The following KDM6B variants were observed in gnomAD, a reference collection of about 807,000 sequenced individuals.
KDM6B encodes the protein lysine demethylase 6B.
A neutral mutation model predicts 150.4 loss-of-function variants in KDM6B; 22 were observed. The observed-to-expected ratio is 0.15, with a 90% CI of 0.10 to 0.21. KDM6B has a LOEUF of 0.21. KDM6B is among the 10% of genes least tolerant of loss of function. The pLI is 1.00. For missense variants in KDM6B, 1,984 were observed against 2,234.3 expected (o/e 0.89, Z 2.26); for synonymous variants, 1,148 against 921.1 (o/e 1.25, Z -4.46).
In KDM6B at chr17:7,843,456, A is replaced by G. The variant is rs766413923; in HGVS notation, c.-268-1445A>G. ...CCACAAGGGCTTGGCGGAGAGTGGC[A>G]CGCAGGGACCTGTAGGGTCCAAGCG... On this transcript the variant is annotated intron_variant, in intron 2 of 23. Transcript: ENST00000448097. The surrounding 1 kb of genome is among the most constrained non-coding windows in gnomAD (Gnocchi z 4.5). Among the ~76,000 whole-genome samples, 2 of 152,188 alleles carry G rather than the reference A, an allele frequency of 1.3e-5. No homozygotes were observed. Among genetic ancestry groups the G allele is most frequent in the Non-Finnish European group, 2.9e-5 (2 of 68,032 alleles).
intron 20 of KDM6B, 25 bp downstream of exon 20, chr17:7,852,361 C>T (rs564198185): frequency 4.4e-6 from 7 of 1,597,656 alleles, no homozygotes; most frequent in African/African-American, 4.0e-5. Flanking sequence ...CAGGTGTTGG[C>T]GTGGTGTGGC....
At chr17:7,846,047 CA>C in intron 6 of KDM6B, 30 bp from the exon 7 acceptor site, 96 of 1,331,262 alleles carry the variant, frequency 7.2e-5, no homozygotes, top group Non-Finnish European at 9.6e-5. Flanking sequence ...GCCCAACCCC[CA>C]CCCACACCCC....
rs1412395364 is a variant in KDM6B, at chr17:7,849,835, A to G, written c.3455A>G (p.Lys1152Arg). ...VVRASRNAKVKGKFRESYLSP... is the reference protein window; with the variant it reads ...VVRASRNAKVRGKFRESYLSP... Reference sequence around the variant, plus strand: ...TCCTCCCGCAGGAATGCCAAGGTGAAAGGGAAGTTTCGAGAGTCCTACCTT... The same window carrying G: ...TCCTCCCGCAGGAATGCCAAGGTGAGAGGGAAGTTTCGAGAGTCCTACCTT... Residue 1152 changes from lysine (K) to arginine (R), a missense_variant, in exon 13 of 24, where the codon AAA (lysine) becomes AGA (arginine). By Grantham distance (26) the Lys-to-Arg change is conservative. Around this residue, in one of 13 missense-constraint regions of KDM6B, gnomAD observed 1,379 missense variants for 1,275.6 expected, o/e 1.08. Coordinates refer to ENST00000448097, the MANE Select transcript of KDM6B (RefSeq NM_001348716.2). 1 of 1,613,166 alleles carries G rather than the reference A, an allele frequency of 6.2e-7. No individual in the cohort carries two copies. Among genetic ancestry groups the G allele is most frequent in the Non-Finnish European group, 8.5e-7 (1 of 1,180,016 alleles).
intron 1 of KDM6B, among the ~76,000 whole-genome samples, chr17:7,837,287 T>TG (rs147635033): frequency 0.087 from 13,112 of 150,920 alleles, 866 homozygotes; most frequent in East Asian, 0.25. Flanking sequence ...GTGTGTAGTA[T>TG]GGGGGGGGGT....
rs1491406246 is a variant in KDM6B, at chr17:7,849,733, GTC to G, written c.3440+6_3440+7del. On this transcript the variant is annotated splice_donor_region_variant and intron_variant, in intron 12 of 23. Coordinates refer to ENST00000448097, the MANE Select transcript of KDM6B (RefSeq NM_001348716.2). ...TGACGTCGTGCGCGCCAGCAGGTGAGTCGGCTGCCTGCTTGCTTGTCCCGGAG... is the reference window on the plus strand; with the variant it reads ...TGACGTCGTGCGCGCCAGCAGGTGAGGGCTGCCTGCTTGCTTGTCCCGGAG... The G allele has an allele frequency of 5.0e-6, 8 of 1,612,296 alleles. No homozygotes were observed. In the East Asian group the frequency reaches 1.6e-4, roughly 31 times the overall value.
At chr17:7,841,902 C>A (rs2078421827) in intron 2 of KDM6B, among the ~76,000 whole-genome samples, 1 of 152,188 alleles carries the variant, frequency 6.6e-6, no homozygotes, top group South Asian at 2.1e-4. Context: ...CCGCCTCCCC[C>A]TCCCCCAGGT....
At chr17:7,839,639 C>T (rs767721129) in intron 1 of KDM6B, among the ~76,000 whole-genome samples, 52 of 152,108 alleles carry the variant, frequency 3.4e-4, no homozygotes, top group Non-Finnish European at 6.6e-4. Flanking sequence ...AGCGTCCTGT[C>T]AGAAGAGGGA....
In KDM6B at chr17:7,853,641, C is replaced by G; in HGVS notation, c.*120C>G. On this transcript the variant is annotated 3_prime_UTR_variant, in exon 24 of 24. Coordinates refer to ENST00000448097, the MANE Select transcript of KDM6B (RefSeq NM_001348716.2). ...AAGGGGGTCGGGCCCAGCCCTTCCACCCCATTGGCAGCTCCCCTCACTTAA... is the reference window on the plus strand; with the variant it reads ...AAGGGGGTCGGGCCCAGCCCTTCCAGCCCATTGGCAGCTCCCCTCACTTAA... The G allele has an allele frequency of 1.5e-5, 9 of 617,848 alleles. No homozygotes were observed. The highest frequency in any genetic ancestry group is 2.1e-5 in the Non-Finnish European group (9 of 426,094). 38.3% of individuals were successfully genotyped at this position (617,848 alleles called of 1,614,324 possible). A position where few individuals can be genotyped will look rare whatever the true frequency, so the allele number is the denominator to read the frequency against.
rs764823980 is a variant in KDM6B, at chr17:7,845,616, G to C, written c.62G>C (p.Gly21Ala). Residue 21 changes from glycine (G) to alanine (A), a missense_variant, in exon 5 of 24, where the codon GGC (glycine) becomes GCC (alanine). Gly to Ala is a moderately conservative substitution (Grantham distance 60). Around this residue, in one of 13 missense-constraint regions of KDM6B, gnomAD observed 337 missense variants for 323.9 expected, o/e 1.04. Transcript: ENST00000448097. Reference protein sequence around the residue: ...RAAREAFALGGLSCAGAWSSC... With the variant: ...RAAREAFALGALSCAGAWSSC... ...GCACGGGAAGCCTTTGCCCTTGGGG[G>C]CCTGAGCTGTGCTGGGGCCTGGAGC... 1 of 1,614,180 alleles carries C rather than the reference G, an allele frequency of 6.2e-7. No homozygotes were observed. The highest frequency in any genetic ancestry group is 1.1e-5 in the South Asian group (1 of 91,088).
chr17:7,845,213 CACAAATG>C (rs1236906271), intron 3 of KDM6B, 94 bp from the exon 4 acceptor site: 1 of 454,376 alleles, frequency 2.2e-6, no homozygotes, highest in Admixed American at 3.4e-5. Flanking sequence ...GGGCCCTTTG[CACAAATG>C]ACAAATTGGT....
chr17:7,841,855 T>C (rs1339789422), intron 2 of KDM6B, among the ~76,000 whole-genome samples: 2 of 152,054 alleles, frequency 1.3e-5, no homozygotes, highest in Admixed American at 6.5e-5. Flanking sequence ...CCCGGGTGGC[T>C]GAGTCACAGC....
chr17:7,845,754 GTGTCATTCTCCATGGGTTCC>G, intron 5 of KDM6B, 63 bp downstream of exon 5: 1 of 1,611,218 alleles, frequency 6.2e-7, no homozygotes, highest in Non-Finnish European at 8.5e-7. Context: ...CCCTCAATCT[GTGTCATTCTCCATGGGTTCC>G]TGTCATTCTG....
intron 13 of KDM6B, 55 bp downstream of exon 13, chr17:7,850,002 G>A: frequency 6.2e-7 from 1 of 1,613,566 alleles, no homozygotes; most frequent in South Asian, 1.1e-5. Context: ...CTAAGACAGT[G>A]TTGGGGACTG....
At position 7,850,178 on chromosome 17, in the gene KDM6B, G is replaced by GT; in HGVS notation, c.3673+2dup. 4 of 1,612,202 alleles carry GT rather than the reference G, an allele frequency of 2.5e-6. No homozygotes were observed. The highest frequency in any genetic ancestry group is 3.4e-6 in the Non-Finnish European group (4 of 1,178,952). Reference sequence around the variant, plus strand: ...GGCCTGGCGGGCTCCCTGCGGCTCAGTGAGTATGGGGGGCAGAAAGTGTTA... The same window carrying GT: ...GGCCTGGCGGGCTCCCTGCGGCTCAGTTGAGTATGGGGGGCAGAAAGTGTTA... On this transcript the variant is annotated splice_donor_variant, in intron 14 of 23. Coordinates refer to ENST00000448097, the MANE Select transcript of KDM6B (RefSeq NM_001348716.2). LOFTEE classifies it high-confidence loss of function.
intron 1 of KDM6B, among the ~76,000 whole-genome samples, chr17:7,835,659 A>T (rs924121730): frequency 5.3e-5 from 8 of 151,822 alleles, no homozygotes; most frequent in African/African-American, 1.7e-4. Context: ...TGATAGCGAC[A>T]GGAAAGGGAG....
chr17:7,853,500 C>A lies in KDM6B; in HGVS notation c.4911C>A (p.Ala1637=), dbSNP rs1265035142. The change falls in exon 24 of 24, where the codon GCC becomes GCA. Residue 1637 remains alanine (A), a splice_region_variant and synonymous_variant. Coordinates refer to ENST00000448097, the MANE Select transcript of KDM6B (RefSeq NM_001348716.2). ...CCCCGCCGGCTTTCTCCCCCCAGGC[C>A]CCAGCCAGCACGTCGCGATGAGGCC... ...LAQAYDAFTL[A]PASTSR is the part of the protein sequence containing the mutation. 2.3e-5 allele frequency: 35 copies of A among 1,508,708 alleles called. No homozygotes were observed. Among genetic ancestry groups the A allele is most frequent in the African/African-American group, 2.8e-5 (2 of 70,810 alleles). The allele number at this position is 1,508,708 out of a possible 1,614,324, so 93.5% of individuals were successfully genotyped here.
intron 7 of KDM6B, 29 bp from the exon 8 acceptor site, chr17:7,846,371 G>GGCCCGGGCCC: frequency 6.7e-7 from 1 of 1,488,924 alleles, no homozygotes; most frequent in Non-Finnish European, 9.2e-7. Context: ...CCTGACATCT[G>GGCCCGGGCCC]CCCCTGCCCC....
rs768367208 is a variant in KDM6B, at chr17:7,847,738, G to A, written c.1450G>A (p.Ala484Thr). The change falls in exon 12 of 24, where the codon GCC (alanine) becomes ACC (threonine). Residue 484 changes from alanine to threonine, a missense_variant. Physicochemically the swap from Ala to Thr is moderately conservative, Grantham distance 58. Coordinates refer to ENST00000448097, the MANE Select transcript of KDM6B (RefSeq NM_001348716.2). Reference sequence around the variant, plus strand: ...CCTCTTACGCCCCCCACCACCCCCTGCCTGGTTGAAGGGTCCGGCCTGCCG... The same window carrying A: ...CCTCTTACGCCCCCCACCACCCCCTACCTGGTTGAAGGGTCCGGCCTGCCG... ...PRLLRPPPPP[A>T]WLKGPACRAA... is the part of the protein sequence containing the mutation. 13 of 1,039,390 alleles carry A rather than the reference G, an allele frequency of 1.3e-5. No individual in the cohort carries two copies. The African/African-American group carries it at 4.0e-4, about 32-fold the overall frequency. 64.4% of individuals were successfully genotyped at this position (1,039,390 alleles called of 1,614,324 possible).
In KDM6B at chr17:7,849,663, G is replaced by A; in HGVS notation, c.3375G>A (p.Glu1125=). 2 of 1,609,770 alleles carry A rather than the reference G, an allele frequency of 1.2e-6. No homozygotes were observed. Among genetic ancestry groups the A allele is most frequent in the Non-Finnish European group, 1.7e-6 (2 of 1,179,948 alleles). The change falls in exon 12 of 24, where the codon GAG becomes GAA. Residue 1125 remains glutamate (E), a synonymous_variant. Transcript: ENST00000448097. ...KETFIASEVE[E]RRLRMADLTI... The stretch of plus-strand genomic sequence containing the variant: ...CCTTTATCGCCTCTGAGGTGGAAGA[G>A]CGGCGGCTGCGCATGGCAGACCTCA...
Sources: allele counts gnomAD v4.1 joint callset (sites outside exome capture counted in the v4.1 genomes callset), GRCh38; gene constraint gnomAD v4.1.1; regional missense constraint gnomAD v4.1.1; non-coding constraint Gnocchi (gnomAD v3.1); transcripts MANE v1.5; gene names NCBI Gene and HGNC (gene_info 2026-07-23, HGNC 2026-07-21).